The following DNER variants were observed in gnomAD, a reference collection of about 807,000 sequenced individuals.
DNER encodes delta/notch like EGF repeat containing.
Under a neutral mutation model 78.2 loss-of-function variants are expected in DNER, and 33 were observed. That is an observed-to-expected ratio of 0.42 (90% CI 0.32 to 0.56). The LOEUF is 0.56. Among genes scored for constraint, DNER ranks in the 20% least tolerant of loss-of-function variants. The pLI is 0.11. For missense variants in DNER, 918 were observed against 975.3 expected (o/e 0.94, Z 0.78); for synonymous variants, 417 against 384.8 (o/e 1.08, Z -0.98).
chr2:229,578,344 T>C (rs1043872731), intron 4 of DNER, among the ~76,000 whole-genome samples: 1 of 152,074 alleles, frequency 6.6e-6, no homozygotes, highest in African/African-American at 2.4e-5. Flanking sequence ...AGTAACAAAA[T>C]GGAACAGGAG....
intron 6 of DNER, among the ~76,000 whole-genome samples, chr2:229,498,168 G>A (rs557112015): frequency 6.6e-6 from 1 of 152,008 alleles, no homozygotes; most frequent in Admixed American, 6.5e-5. Context: ...AAGAATGAAG[G>A]GCAAAAACCA....
At chr2:229,594,376 G>A (rs973682017) in intron 1 of DNER, among the ~76,000 whole-genome samples, 6 of 152,160 alleles carry the variant, frequency 3.9e-5, no homozygotes, top group African/African-American at 1.4e-4. Context: ...ATCACAAGGT[G>A]AGGAGTTTGA....
At chr2:229,586,552 A>AAAAAC (rs1559174498) in intron 3 of DNER, 3 of 99,098 alleles carry the variant, frequency 3.0e-5, no homozygotes, top group African/African-American at 2.6e-4. Context: ...AAAAAAAAAC[A>AAAAAC]CACAAAACCA....
chr2:229,407,479 ACACACGTGCCCAC>A, intron 9 of DNER, 134 bp from the exon 10 acceptor site: 1 of 624,308 alleles, frequency 1.6e-6, no homozygotes. Context: ...GTGAGTGTAT[ACACACGTGCCCAC>A]TCATGATTTT....
chr2:229,620,818 G>T (rs1291643681), intron 1 of DNER, among the ~76,000 whole-genome samples: 2 of 152,136 alleles, frequency 1.3e-5, no homozygotes, highest in Non-Finnish European at 2.9e-5. Flanking sequence ...GTGGGGTCCT[G>T]GTCCAACAGG....
intron 7 of DNER, among the ~76,000 whole-genome samples, chr2:229,449,401 T>C (rs1483795005): frequency 2.0e-5 from 3 of 152,224 alleles, no homozygotes; most frequent in Non-Finnish European, 4.4e-5. Flanking sequence ...GCATAGCTGC[T>C]TAAAATATTA....
chr2:229,556,460 T>C (rs987103689), intron 4 of DNER, among the ~76,000 whole-genome samples: 9 of 152,250 alleles, frequency 5.9e-5, no homozygotes, highest in African/African-American at 2.2e-4. Flanking sequence ...AATTCTGATG[T>C]GTGCTTCCAG....
chr2:229,668,526 GTGTGTGTGTGTATATATATA>G (rs1399714870), intron 1 of DNER, among the ~76,000 whole-genome samples: 4 of 12,338 alleles, frequency 3.2e-4, no homozygotes, highest in South Asian at 5.3e-3. Flanking sequence ...ATGTGTGTGT[GTGTGTGTGTGTATATATATA>G]TATATATATA....
At chr2:229,400,423 TA>T (rs1294733494) in intron 10 of DNER, among the ~76,000 whole-genome samples, 1 of 151,732 alleles carries the variant, frequency 6.6e-6, no homozygotes, top group African/African-American at 2.4e-5. Context: ...ATTCTCCAAT[TA>T]AAAAAACCAG....
intron 4 of DNER, among the ~76,000 whole-genome samples, chr2:229,571,376 A>G (rs181742050): frequency 6.6e-6 from 1 of 150,628 alleles, no homozygotes; most frequent in Admixed American, 6.6e-5. Flanking sequence ...TTCCCCTCCC[A>G]CTCCCTCTCA....
chr2:229,413,376 G>A (rs1693569962), intron 9 of DNER, among the ~76,000 whole-genome samples: 1 of 121,464 alleles, frequency 8.2e-6, no homozygotes, highest in Non-Finnish European at 1.6e-5. Context: ...AGGCTGGAAT[G>A]CAATGGCACG....
chr2:229,625,074 G>A (rs1559186729), intron 1 of DNER, among the ~76,000 whole-genome samples: 1 of 152,046 alleles, frequency 6.6e-6, no homozygotes, highest in Admixed American at 6.5e-5. Flanking sequence ...AGATAAATAT[G>A]AGAAGATTTT....
At chr2:229,588,361 C>T (rs1233509774) in intron 3 of DNER, 33 bp downstream of exon 3, 11 of 1,604,218 alleles carry the variant, frequency 6.9e-6, no homozygotes, top group Non-Finnish European at 9.4e-6. Context: ...CATAGCATCA[C>T]TCTTAACAGT....
chr2:229,482,504 T>C (rs1695183836), intron 6 of DNER, among the ~76,000 whole-genome samples: 1 of 152,166 alleles, frequency 6.6e-6, no homozygotes, highest in African/African-American at 2.4e-5. Context: ...GGCCCAGTCC[T>C]GCCACCGACC....
chr2:229,547,153 G>T, intron 4 of DNER, 61 bp from the exon 5 acceptor site: 1 of 1,593,012 alleles, frequency 6.3e-7, no homozygotes, highest in Admixed American at 1.7e-5. Flanking sequence ...GCAGTGTGTT[G>T]AAAGCTTTAC....
At chr2:229,371,096 C>T (rs1013433371) in intron 11 of DNER, among the ~76,000 whole-genome samples, 2 of 152,208 alleles carry the variant, frequency 1.3e-5, no homozygotes, top group East Asian at 1.9e-4. Context: ...CCTCTCTCCC[C>T]CTGCCCTTTT....
Position 229,388,266 on chromosome 2 carries a change from G to T in DNER, c.1854C>A (p.Ile618=), listed in dbSNP as rs754286370. ...TGGCTGAGCTGCAGAAATACTTACG[G>T]ATCTCACAGTTTGCTCCCACCCAAC... ...PHGWVGANCE[I]HLQWKSGHMA... The change falls in exon 11 of 13, where the codon ATC becomes ATA. Residue 618 remains isoleucine (I), a splice_region_variant and synonymous_variant. Transcript: ENST00000341772. The T allele has an allele frequency of 6.2e-7, 1 of 1,606,490 alleles. No homozygotes were observed. The highest frequency in any genetic ancestry group is 8.5e-7 in the Non-Finnish European group (1 of 1,176,168).
At chr2:229,674,752 C>G (rs559440974) in intron 1 of DNER, among the ~76,000 whole-genome samples, 49 of 152,284 alleles carry the variant, frequency 3.2e-4, no homozygotes, top group Admixed American at 5.2e-4. Context: ...TGAGGATAAC[C>G]CCTGCTTTCA....
Position 229,480,302 on chromosome 2 carries a change from CA to C in DNER, c.1148-3050del, listed in dbSNP as rs1277866799. Among the ~76,000 whole-genome samples the C allele has an allele frequency of 2.0e-5, 3 of 152,132 alleles. No individual in the cohort carries two copies. In the East Asian group the frequency reaches 5.8e-4, roughly 29 times the overall value. On this transcript the variant is annotated intron_variant, in intron 6 of 12. Transcript: ENST00000341772. ...GGTTCCCCATGAGGGTATTTTGAAT[CA>C]AATTTCATTTCACCTGTAAATATTT...
Sources: allele counts gnomAD v4.1 joint callset (sites outside exome capture counted in the v4.1 genomes callset), GRCh38; gene constraint gnomAD v4.1.1; transcripts MANE v1.5; gene names NCBI Gene and HGNC (gene_info 2026-07-23, HGNC 2026-07-21).